Variants in CUL4A observed in about 807,000 individuals in gnomAD.
The protein encoded by CUL4A is cullin 4A.
A neutral mutation model predicts 95.5 loss-of-function variants in CUL4A; 16 were observed. The ratio of observed to expected loss-of-function variants is 0.17; its 90% CI spans 0.11 to 0.25. The LOEUF (loss-of-function observed/expected upper bound fraction) is 0.25, where lower values mean the gene tolerates loss of function less well. Ranked by LOEUF, CUL4A falls within the 10% of genes least tolerant of loss-of-function variation. The pLI, the probability that CUL4A is intolerant of heterozygous loss-of-function variation, is 1.00. For missense variants in CUL4A, 610 were observed against 937.0 expected, an observed-to-expected ratio of 0.65 and a Z score of 4.56; for synonymous variants, 380 against 353.1, an observed-to-expected ratio of 1.08 and a Z score of -0.85.
intron 2 of CUL4A, among the ~76,000 whole-genome samples, chr13:113,211,019 T>A (rs1230540056): frequency 6.6e-6 from 1 of 152,210 alleles, no homozygotes; most frequent in Non-Finnish European, 1.5e-5. Context: ...TTTTAACAGA[T>A]GCATGCAGTT....
At chr13:113,258,238 A>G (rs978136048) in intron 18 of CUL4A, among the ~76,000 whole-genome samples, 2 of 152,052 alleles carry the variant, frequency 1.3e-5, no homozygotes, top group African/African-American at 4.8e-5. Context: ...CAGTCTTCCT[A>G]CCTTGACCCC....
intron 6 of CUL4A, among the ~76,000 whole-genome samples, chr13:113,233,607 AAC>A (rs2041438195): frequency 1.3e-5 from 2 of 152,242 alleles, no homozygotes; most frequent in African/African-American, 4.8e-5. Context: ...GGAAAATATA[AAC>A]AGAGACAAAG....
rs183831034 is a variant in CUL4A at position 113,253,881 on chromosome 13, T to C, written c.1752+686T>C. Among the ~76,000 whole-genome samples the C allele has an allele frequency of 3.8e-3, 580 of 152,340 alleles. 5 individuals are homozygous for C. Among genetic ancestry groups the C allele is most frequent in the African/African-American group, 0.013 (541 of 41,574 alleles). On this transcript the variant is annotated intron_variant, in intron 16 of 19. Transcript: ENST00000375440. Reference sequence around the variant, plus strand: ...AAAAACATAAAATTCCTATTTTGTATAGCTGTTATATTAATAATAAACTTA... The same window carrying C: ...AAAAACATAAAATTCCTATTTTGTACAGCTGTTATATTAATAATAAACTTA...
At chr13:113,214,888 AGCTATGT>A (rs1283949188) in intron 2 of CUL4A, among the ~76,000 whole-genome samples, 1 of 151,954 alleles carries the variant, frequency 6.6e-6, no homozygotes, top group Non-Finnish European at 1.5e-5. Context: ...CTCTGGAGGT[AGCTATGT>A]GACTATGGAG....
chr13:113,250,937 T>C (rs1018956274), intron 15 of CUL4A, among the ~76,000 whole-genome samples: 13 of 152,084 alleles, frequency 8.5e-5, no homozygotes, highest in African/African-American at 3.1e-4. Context: ...GGGCTGAGTT[T>C]TGAAGCATGA....
chr13:113,264,072 G>A lies in CUL4A; in HGVS notation c.*490G>A, dbSNP rs544226958. ...GCCCTTCATGGGTGAACATTAGAAAGAGCCAGGGTTCAAAGCTGGCGAATG... is the reference window on the plus strand; with the variant it reads ...GCCCTTCATGGGTGAACATTAGAAAAAGCCAGGGTTCAAAGCTGGCGAATG... On this transcript the variant is annotated 3_prime_UTR_variant, in exon 20 of 20. Coordinates refer to ENST00000375440, the MANE Select transcript of CUL4A (RefSeq NM_001008895.4). 6.6e-6 allele frequency: 1 copy of A among 152,648 alleles called. No homozygotes were observed. The highest frequency in any genetic ancestry group is 2.1e-4 in the South Asian group (1 of 4,834). The allele number at this position is 152,648 out of a possible 1,614,324, so 9.5% of individuals were successfully genotyped here.
At chr13:113,229,982 A>C (rs2041252245) in intron 5 of CUL4A, 1 of 322,106 alleles carries the variant, frequency 3.1e-6, no homozygotes, top group Non-Finnish European at 5.6e-6. Flanking sequence ...TGTATACACC[A>C]GGGGTTCTGG....
At chr13:113,260,167 G>A (rs1217818330) in intron 18 of CUL4A, among the ~76,000 whole-genome samples, 2 of 112,064 alleles carry the variant, frequency 1.8e-5, no homozygotes, top group Non-Finnish European at 3.5e-5. Flanking sequence ...TCGCGCCACT[G>A]CACTCCAGCC....
Position 113,232,060 on chromosome 13 carries a change from C to T in CUL4A, c.513-1117C>T, listed in dbSNP as rs865947966. On this transcript the variant is annotated intron_variant, in intron 5 of 19. Coordinates refer to ENST00000375440, the MANE Select transcript of CUL4A (RefSeq NM_001008895.4). ...GCTGCCACCACTACCCGCCCACCAC[C>T]ATTACTGTCACCACTACCCGCCCAC... is the stretch of plus-strand genomic sequence containing the variant. 6.1e-5 allele frequency among the ~76,000 whole-genome samples: 8 copies of T among 130,484 alleles called. No homozygotes were observed. The East Asian group carries it at 1.1e-3, about 18-fold the overall frequency. The allele number at this position is 130,484 out of a possible 152,430, so 85.6% of individuals were successfully genotyped here.
chr13:113,256,323 G>T (rs1052392532), intron 18 of CUL4A, among the ~76,000 whole-genome samples: 1 of 152,190 alleles, frequency 6.6e-6, no homozygotes, highest in Non-Finnish European at 1.5e-5. Flanking sequence ...TCGGCCACAG[G>T]CACTAACATT....
At chr13:113,214,245 A>G (rs2139083102) in intron 2 of CUL4A, among the ~76,000 whole-genome samples, 1 of 152,174 alleles carries the variant, frequency 6.6e-6, no homozygotes, top group South Asian at 2.1e-4. Context: ...CTTTGTTTTT[A>G]TCATTTTCCT....
At chr13:113,208,247 A>T (rs2040083215), upstream of CUL4A, 3 of 1,447,072 alleles carry the variant, frequency 2.1e-6, no homozygotes, top group Non-Finnish European at 2.7e-6. Flanking sequence ...CACCGCCCAC[A>T]GCGGGCCCTC....
chr13:113,266,821 T>TA lies in CUL4A; in HGVS notation c.*3246dup, dbSNP rs911616250. 4 of 152,188 alleles carry TA rather than the reference T, an allele frequency of 2.6e-5. No homozygotes were observed. The highest frequency in any genetic ancestry group is 5.9e-5 in the Non-Finnish European group (4 of 68,012). The allele number at this position is 152,188 out of a possible 1,614,324, so 9.4% of individuals were successfully genotyped here. A position where few individuals can be genotyped will look rare whatever the true frequency, so the allele number is the denominator to read the frequency against. On this transcript the variant is annotated 3_prime_UTR_variant, in exon 20 of 20. Transcript: ENST00000375440. ...TTCCAAGTGGTCAAGTATTTACGTG[T>TA]AAAAAAATACATATATATGAAACCA...
intron 5 of CUL4A, among the ~76,000 whole-genome samples, chr13:113,232,368 A>G (rs1362261694): frequency 1.3e-5 from 2 of 151,918 alleles, no homozygotes; most frequent in African/African-American, 2.4e-5. Flanking sequence ...TACTACTGCC[A>G]CCACCACCTG....
rs1416132118 is a variant in CUL4A, at chr13:113,264,664, A to C, written c.*1082A>C. ...GAGATAACATTTAAAAGTACTTTATATTTTACATAATAGCATGTTTCATTT... is the reference window on the plus strand; with the variant it reads ...GAGATAACATTTAAAAGTACTTTATCTTTTACATAATAGCATGTTTCATTT... On this transcript the variant is annotated 3_prime_UTR_variant, in exon 20 of 20. Transcript: ENST00000375440. The C allele has an allele frequency of 1.3e-5, 2 of 152,644 alleles. No homozygotes were observed. The highest frequency in any genetic ancestry group is 2.9e-5 in the Non-Finnish European group (2 of 68,038). The allele number at this position is 152,644 out of a possible 1,614,324, so 9.5% of individuals were successfully genotyped here.
chr13:113,250,833 C>T (rs548014502), intron 15 of CUL4A, among the ~76,000 whole-genome samples: 1 of 152,030 alleles, frequency 6.6e-6, no homozygotes, highest in South Asian at 2.1e-4. Context: ...GAAATGAAAT[C>T]GATGATATCG....
rs1463273312 is a variant in CUL4A at position 113,266,462 on chromosome 13, G to A, written c.*2880G>A. On this transcript the variant is annotated 3_prime_UTR_variant, in exon 20 of 20. Coordinates refer to ENST00000375440, the MANE Select transcript of CUL4A (RefSeq NM_001008895.4). ...AAAGTTCTGTTGATTCTCACATTTT[G>A]CTATACAGTATCTTAAGATGTAAAA... 6.6e-6 allele frequency: 1 copy of A among 152,238 alleles called. No homozygotes were observed. Among genetic ancestry groups the A allele is most frequent in the Non-Finnish European group, 1.5e-5 (1 of 68,036 alleles). The allele number at this position is 152,238 out of a possible 1,614,324, so 9.4% of individuals were successfully genotyped here. A position where few individuals can be genotyped will look rare whatever the true frequency, so the allele number is the denominator to read the frequency against.
chr13:113,229,021 G>A (rs1471915546), intron 4 of CUL4A, among the ~76,000 whole-genome samples: 5 of 151,888 alleles, frequency 3.3e-5, no homozygotes, highest in Admixed American at 1.3e-4. Flanking sequence ...CCAGCTACTC[G>A]GGAGGCTGAG....
chr13:113,229,646 A>G (rs1289513856), intron 5 of CUL4A, 127 bp downstream of exon 5: 1 of 760,636 alleles, frequency 1.3e-6, no homozygotes, highest in African/African-American at 1.7e-5. Flanking sequence ...CTTCAGCCAA[A>G]ATCATTAACG....
Sources: gnomAD v4.1 joint callset for allele counts (sites outside exome capture counted in the v4.1 genomes callset) on GRCh38, gnomAD v4.1.1 for gene constraint, MANE v1.5 for transcripts, NCBI Gene and HGNC (gene_info 2026-07-23, HGNC 2026-07-21) for gene names.